KIAA1671: variants seen among roughly 807,000 people sequenced by gnomAD.
KIAA1671 encodes the protein uncharacterized protein KIAA1671.
A neutral mutation model predicts 131.2 loss-of-function variants in KIAA1671; 52 were observed. The observed-to-expected ratio is 0.40, with a 90% CI of 0.32 to 0.50. The LOEUF (loss-of-function observed/expected upper bound fraction) is 0.50. Among genes scored for constraint, KIAA1671 ranks in the 20% least tolerant of loss-of-function variants. The probability of loss-of-function intolerance (pLI) is 0.73; values close to 1 mark genes in which losing one functional copy is unlikely to be tolerated. For synonymous variants in KIAA1671, 1,003 were observed against 961.6 expected, an observed-to-expected ratio of 1.04 and a Z score of -0.80; for missense variants, 2,360 against 2,364.2, an observed-to-expected ratio of 1.00 and a Z score of 0.04.
chr22:25,059,668 G>C (rs1928050331), intron 6 of KIAA1671: 1 of 152,346 alleles, frequency 6.6e-6, no homozygotes, highest in African/African-American at 2.4e-5. Flanking sequence ...CCTGACAGGG[G>C]AGTAGTTTGG....
rs1024712535 is a variant in KIAA1671, at chr22:25,196,236, G to C, written c.*3835G>C. On this transcript the variant is annotated 3_prime_UTR_variant, in exon 13 of 13. Transcript: ENST00000358431. ...CTCTGCTCTGGAAAGTCGGCCTGAG[G>C]TTTCCGGCAAGTTAACCCTTAAAAT... is the stretch of plus-strand genomic sequence containing the variant. 6.6e-6 allele frequency: 1 copy of C among 152,066 alleles called. No individual in the cohort carries two copies. The highest frequency in any genetic ancestry group is 2.4e-5 in the African/African-American group (1 of 41,392). 9.4% of individuals were successfully genotyped at this position (152,066 alleles called of 1,614,324 possible).
intron 6 of KIAA1671, among the ~76,000 whole-genome samples, chr22:25,076,056 G>A (rs951626574): frequency 6.6e-6 from 1 of 150,618 alleles, no homozygotes; most frequent in African/African-American, 2.5e-5. Context: ...GATTACAGGC[G>A]TGAGCCACTG....
At chr22:25,012,803 A>G (rs996035171) in intron 1 of KIAA1671, 8 of 152,238 alleles carry the variant, frequency 5.3e-5, no homozygotes, top group Non-Finnish European at 8.8e-5. Context: ...TGTTAAAGTC[A>G]TAGTGGCACC....
At chr22:25,147,153 TAC>T in intron 6 of KIAA1671, among the ~76,000 whole-genome samples, 1 of 145,380 alleles carries the variant, frequency 6.9e-6, no homozygotes, top group East Asian at 2.0e-4. Flanking sequence ...TTTTATTTTT[TAC>T]TATTTTATTT....
At chr22:24,971,735 C>T (rs1283728152) in intron 1 of KIAA1671, among the ~76,000 whole-genome samples, 3 of 151,764 alleles carry the variant, frequency 2.0e-5, no homozygotes, top group African/African-American at 7.3e-5. Flanking sequence ...TTGGGGGGGT[C>T]GTGGATCATG....
Position 25,028,613 on chromosome 22 carries a change from C to A in KIAA1671, c.614C>A (p.Pro205Gln). ...GCTCCCCTGTCTCAGGACACAAAAC[C>A]ACCTGTACCCCAAGAGGAGGCAGGC... ...RSAPLSQDTK[P>Q]PVPQEEAGQD... Residue 205 changes from proline to glutamine, a missense_variant, in exon 3 of 13, where the codon CCA (proline) becomes CAA (glutamine). By Grantham distance (76) the Pro-to-Gln change is moderately conservative. Coordinates refer to ENST00000358431, the MANE Select transcript of KIAA1671 (RefSeq NM_001145206.2). The A allele has an allele frequency of 6.6e-7, 1 of 1,506,630 alleles. No homozygotes were observed. The highest frequency in any genetic ancestry group is 1.7e-4 in the Middle Eastern group (1 of 5,756). 93.3% of individuals were successfully genotyped at this position (1,506,630 alleles called of 1,614,324 possible).
rs1568999461 is a variant in KIAA1671 at position 25,188,450 on chromosome 22, GT to G, written c.5343-2251del. Among the ~76,000 whole-genome samples, 110 of 20,758 alleles carry G rather than the reference GT, an allele frequency of 5.3e-3. 3 individuals are homozygous for G. The highest frequency in any genetic ancestry group is 0.015 in the Admixed American group (47 of 3,206). 13.6% of individuals were successfully genotyped at this position (20,758 alleles called of 152,430 possible). On this transcript the variant is annotated intron_variant, in intron 11 of 12. Transcript: ENST00000358431. ...TCCAGAGAAACAGAGCCAATCGGGT[GT>G]GTGTGTGTGTGTGTGTGTGTGTGTG... is the stretch of plus-strand genomic sequence containing the variant.
In KIAA1671 at chr22:25,179,010, T is replaced by C. The variant is rs1433221353; in HGVS notation, c.5074+1488T>C. Reference sequence around the variant, plus strand: ...GACCCGCGATCCCACGCCACCGCCCTGGGTTTACCACGGTCACCGCCACCT... The same window carrying C: ...GACCCGCGATCCCACGCCACCGCCCCGGGTTTACCACGGTCACCGCCACCT... On this transcript the variant is annotated intron_variant, in intron 9 of 12. Transcript: ENST00000358431. Among the ~76,000 whole-genome samples, 5 of 152,120 alleles carry C rather than the reference T, an allele frequency of 3.3e-5. No individual in the cohort carries two copies. The South Asian group carries it at 1.0e-3, about 32-fold the overall frequency.
chr22:25,122,130 A>G (rs943740829), intron 6 of KIAA1671, among the ~76,000 whole-genome samples: 1 of 152,210 alleles, frequency 6.6e-6, no homozygotes, highest in Non-Finnish European at 1.5e-5. Context: ...GTGGAACTGC[A>G]GCACAACGCT....
At chr22:25,087,461 A>G (rs890287785) in intron 6 of KIAA1671, among the ~76,000 whole-genome samples, 1 of 152,078 alleles carries the variant, frequency 6.6e-6, no homozygotes, top group African/African-American at 2.4e-5. Flanking sequence ...GCGGGCGCCT[A>G]TAACCCAGCT....
chr22:25,185,330 A>C, intron 11 of KIAA1671: 1 of 556,690 alleles, frequency 1.8e-6, no homozygotes, highest in Admixed American at 3.6e-5. Context: ...GAATCAGGCC[A>C]GCTGGCCTCT....
intron 6 of KIAA1671, among the ~76,000 whole-genome samples, chr22:25,066,962 TG>T (rs1458579930): frequency 6.6e-6 from 1 of 152,018 alleles, no homozygotes; most frequent in Non-Finnish European, 1.5e-5. Flanking sequence ...GAAGGGCCCC[TG>T]GGGGCGGGAA....
At chr22:25,047,919 C>CT (rs1927335729) in intron 5 of KIAA1671, among the ~76,000 whole-genome samples, 1 of 152,240 alleles carries the variant, frequency 6.6e-6, no homozygotes. Context: ...ATTTACACCT[C>CT]TATTTTCTTC....
At chr22:25,096,567 C>CAT (rs1188097218) in intron 6 of KIAA1671, among the ~76,000 whole-genome samples, 1 of 152,194 alleles carries the variant, frequency 6.6e-6, no homozygotes, top group African/African-American at 2.4e-5. Flanking sequence ...CCTTTGCCCT[C>CAT]AAAGTTCTGC....
chr22:25,065,628 A>AATT (rs1234244146), intron 6 of KIAA1671, among the ~76,000 whole-genome samples: 16 of 150,990 alleles, frequency 1.1e-4, no homozygotes, highest in Admixed American at 4.6e-4. Flanking sequence ...TTTTTTAAAG[A>AATT]ATTATTATTA....
intron 6 of KIAA1671, among the ~76,000 whole-genome samples, chr22:25,085,433 C>T (rs894808066): frequency 6.6e-6 from 1 of 152,292 alleles, no homozygotes; most frequent in South Asian, 2.1e-4. Context: ...GTCTGAATCA[C>T]CTCACTCACC....
intron 12 of KIAA1671, among the ~76,000 whole-genome samples, chr22:25,191,108 C>T (rs1435940998): frequency 2.7e-5 from 4 of 148,566 alleles, no homozygotes; most frequent in African/African-American, 5.0e-5. Flanking sequence ...AACAAAAGGG[C>T]GGGGACATCA....
chr22:25,135,951 C>T (rs1932659334), intron 6 of KIAA1671, among the ~76,000 whole-genome samples: 1 of 152,226 alleles, frequency 6.6e-6, no homozygotes, highest in African/African-American at 2.4e-5. Context: ...GTATTATCAT[C>T]CTGCTTTACA....
chr22:24,959,775 C>G (rs1315240542), intron 1 of KIAA1671, among the ~76,000 whole-genome samples: 1 of 152,156 alleles, frequency 6.6e-6, no homozygotes, highest in African/African-American at 2.4e-5. Flanking sequence ...CAGAAGCTAT[C>G]ACAGCTACAT....
Sources: allele counts gnomAD v4.1 joint callset (sites outside exome capture counted in the v4.1 genomes callset), GRCh38; gene constraint gnomAD v4.1.1; transcripts MANE v1.5; gene names NCBI Gene and HGNC (gene_info 2026-07-23, HGNC 2026-07-21).